Variants in CDKAL1 observed in about 807,000 individuals in gnomAD.
CDKAL1 encodes CDKAL1 threonylcarbamoyladenosine tRNA methylthiotransferase.
CDKAL1 carries 32 observed loss-of-function variants against 68.2 expected under a neutral mutation model. That is an observed-to-expected ratio of 0.47 (90% CI 0.35 to 0.63). The LOEUF (loss-of-function observed/expected upper bound fraction) is 0.63, where lower values mean the gene tolerates loss of function less well. Among genes scored for constraint, CDKAL1 ranks in the 30% least tolerant of loss-of-function variants. The probability of loss-of-function intolerance (pLI) is 0.00; values close to 1 mark genes in which losing one functional copy is unlikely to be tolerated. For missense variants in CDKAL1, 606 were observed against 696.7 expected, an observed-to-expected ratio of 0.87 and a Z score of 1.47; for synonymous variants, 234 against 244.3, an observed-to-expected ratio of 0.96 and a Z score of 0.39.
At chr6:20,540,748 G>A (rs1277478412) in intron 2 of CDKAL1, among the ~76,000 whole-genome samples, 1 of 152,188 alleles carries the variant, frequency 6.6e-6, no homozygotes. Flanking sequence ...GAGCCACCAT[G>A]CCCAGCCCTG....
chr6:21,108,429 G>A lies in CDKAL1; in HGVS notation c.1265G>A (p.Arg422Gln), dbSNP rs753599463. 13 of 1,604,342 alleles carry A rather than the reference G, an allele frequency of 8.1e-6. No homozygotes were observed. Among genetic ancestry groups the A allele is most frequent in the Admixed American group, 1.7e-5 (1 of 58,088 alleles). Residue 422 changes from arginine (R) to glutamine (Q), a missense_variant, in exon 13 of 16, where the codon CGG (arginine) becomes CAG (glutamine). By Grantham distance (43) the Arg-to-Gln change is conservative (BLOSUM62 1). Transcript: ENST00000274695. ...VKKQRTKDLS[R>Q]VFHSYSPYDH... Reference sequence around the variant, plus strand: ...AAGCAAAGGACAAAAGATCTTTCTCGGGTGTTTCATTCTTACAGTCCATAT... The same window carrying A: ...AAGCAAAGGACAAAAGATCTTTCTCAGGTGTTTCATTCTTACAGTCCATAT...
intron 9 of CDKAL1, among the ~76,000 whole-genome samples, chr6:20,871,131 A>G (rs979842212): frequency 1.3e-5 from 2 of 152,182 alleles, no homozygotes. Flanking sequence ...GTACCTGTGG[A>G]TCCCTTCTCA....
intron 10 of CDKAL1, among the ~76,000 whole-genome samples, chr6:20,997,847 A>G (rs1767201641): frequency 6.6e-6 from 1 of 152,204 alleles, no homozygotes; most frequent in Non-Finnish European, 1.5e-5. Flanking sequence ...CCTGTAATCC[A>G]TATAAAATTG....
intron 9 of CDKAL1, among the ~76,000 whole-genome samples, chr6:20,872,854 A>G (rs1211444090): frequency 2.0e-5 from 3 of 152,200 alleles, no homozygotes; most frequent in African/African-American, 7.2e-5. Flanking sequence ...ACCAAAGGAT[A>G]TTTTAGAATA....
In CDKAL1 at chr6:20,650,458, G is replaced by A. The variant is rs745739188; in HGVS notation, c.371+1081G>A. On this transcript the variant is annotated intron_variant, in intron 5 of 15. Coordinates refer to ENST00000274695, the MANE Select transcript of CDKAL1 (RefSeq NM_017774.3). ...CATTCCTTATAGATTCTGGATATCA[G>A]ACCTTTGTTATGTGGATAGATTGCA... Among the ~76,000 whole-genome samples, 90 of 152,116 alleles carry A rather than the reference G, an allele frequency of 5.9e-4. 1 individual carries two copies. Among genetic ancestry groups the A allele is most frequent in the Admixed American group, 2.0e-3 (31 of 15,276 alleles).
intron 12 of CDKAL1, among the ~76,000 whole-genome samples, chr6:21,068,918 A>C (rs1006460898): frequency 2.0e-5 from 3 of 152,174 alleles, no homozygotes; most frequent in Admixed American, 6.5e-5. Flanking sequence ...TATGTCTTAC[A>C]TATCATTTTA....
chr6:20,898,086 G>A (rs1476593832), intron 9 of CDKAL1, among the ~76,000 whole-genome samples: 1 of 152,008 alleles, frequency 6.6e-6, no homozygotes, highest in Non-Finnish European at 1.5e-5. Context: ...TGGAAGGATG[G>A]CCCAGCTCCT....
At chr6:20,988,712 C>T (rs201348) in intron 10 of CDKAL1, among the ~76,000 whole-genome samples, 14,737 of 151,940 alleles carry the variant, frequency 0.097, 820 homozygotes, top group Middle Eastern at 0.16. Flanking sequence ...TGCAGTGGCA[C>T]GATCTCAGCT....
chr6:20,545,883 C>T lies in CDKAL1; in HGVS notation c.-5-463C>T, dbSNP rs552258192. On this transcript the variant is annotated intron_variant, in intron 2 of 15. Transcript: ENST00000274695. Reference sequence around the variant, plus strand: ...TGAATATAAGGACAATACTTTATATCGAATGATTTATAATAACTTCTTCAT... The same window carrying T: ...TGAATATAAGGACAATACTTTATATTGAATGATTTATAATAACTTCTTCAT... Among the ~76,000 whole-genome samples, 5 of 152,290 alleles carry T rather than the reference C, an allele frequency of 3.3e-5. No individual in the cohort carries two copies. In the South Asian group the frequency reaches 8.3e-4, roughly 25 times the overall value.
In CDKAL1 at chr6:20,778,689, G is replaced by A. The variant is rs141430263; in HGVS notation, c.518-2456G>A. Among the ~76,000 whole-genome samples, 156 of 152,308 alleles carry A rather than the reference G, an allele frequency of 1.0e-3. 2 individuals are homozygous for A. In the East Asian group the frequency reaches 0.028, roughly 27 times the overall value. On this transcript the variant is annotated intron_variant, in intron 7 of 15. Transcript: ENST00000274695. ...GGTGTTAAGTTACAGTCCACAGGCT[G>A]GCACACTTGAGACCCAAGAAGAGCC...
intron 7 of CDKAL1, among the ~76,000 whole-genome samples, chr6:20,760,361 C>T (rs543316971): frequency 6.8e-4 from 104 of 152,278 alleles, no homozygotes; most frequent in African/African-American, 2.4e-3. Context: ...AATGTTTTTA[C>T]AAACTACTTC....
chr6:21,070,478 T>C (rs1009534669), intron 12 of CDKAL1, among the ~76,000 whole-genome samples: 1 of 151,072 alleles, frequency 6.6e-6, no homozygotes, highest in African/African-American at 2.4e-5. Flanking sequence ...ATTAGATAAA[T>C]GTTATATCCA....
chr6:20,901,700 A>AAAAAGG (rs1761985582), intron 9 of CDKAL1, among the ~76,000 whole-genome samples: 1 of 1,934 alleles, frequency 5.2e-4, no homozygotes, highest in African/African-American at 2.0e-3. Flanking sequence ...AAAAAAAAAA[A>AAAAAGG]AAAGAAAAGA....
chr6:20,783,293 C>T (rs1400513924), intron 8 of CDKAL1, among the ~76,000 whole-genome samples: 2 of 152,152 alleles, frequency 1.3e-5, no homozygotes, highest in African/African-American at 2.4e-5. Context: ...GCCTTTAAAA[C>T]ATTAGTATTT....
chr6:21,192,552 G>A (rs531702729), intron 13 of CDKAL1, among the ~76,000 whole-genome samples: 1 of 152,264 alleles, frequency 6.6e-6, no homozygotes, highest in South Asian at 2.1e-4. Context: ...ACTTCAGAGA[G>A]CTACAATCAA....
intron 13 of CDKAL1, among the ~76,000 whole-genome samples, chr6:21,140,731 A>G (rs1052527494): frequency 1.3e-5 from 2 of 152,222 alleles, no homozygotes; most frequent in Non-Finnish European, 2.9e-5. Flanking sequence ...AGCGCTCAGC[A>G]TTAAAAAACA....
At chr6:20,999,663 T>TTAA (rs377161681) in intron 10 of CDKAL1, among the ~76,000 whole-genome samples, 2 of 93,402 alleles carry the variant, frequency 2.1e-5, no homozygotes, top group Admixed American at 2.3e-4. Context: ...TGACTGAAAT[T>TTAA]AAAAAAAAAA....
chr6:20,816,263 T>A (rs140255615), intron 8 of CDKAL1, among the ~76,000 whole-genome samples: 2 of 152,304 alleles, frequency 1.3e-5, no homozygotes, highest in East Asian at 3.9e-4. Flanking sequence ...TCCTGGCAGA[T>A]GTGAATTCTG....
At chr6:21,104,221 ACTGAGGAAATATC>A (rs1170637000) in intron 12 of CDKAL1, among the ~76,000 whole-genome samples, 1 of 152,198 alleles carries the variant, frequency 6.6e-6, no homozygotes, top group Non-Finnish European at 1.5e-5. Flanking sequence ...ACATAGAAGC[ACTGAGGAAATATC>A]CTGAAAACAA....
Sources: gnomAD v4.1 joint callset for allele counts (sites outside exome capture counted in the v4.1 genomes callset) on GRCh38, gnomAD v4.1.1 for gene constraint, MANE v1.5 for transcripts, NCBI Gene and HGNC (gene_info 2026-07-23, HGNC 2026-07-21) for gene names.